FAM240A: variants seen among roughly 807,000 people sequenced by gnomAD.
FAM240A encodes the protein family with sequence similarity 240 member A.
FAM240A carries 8 observed loss-of-function variants against 7.3 expected under a neutral mutation model. The observed-to-expected ratio is 1.09, with a 90% CI of 0.64 to 1.97. FAM240A has a LOEUF of 1.97. Ranked by LOEUF, FAM240A falls within the 30% of genes most tolerant of loss-of-function variation. The pLI, the probability that FAM240A is intolerant of heterozygous loss-of-function variation, is 0.00. For synonymous variants in FAM240A, 32 were observed against 35.9 expected (o/e 0.89, Z 0.38); for missense variants, 90 against 102.2 (o/e 0.88, Z 0.52).
chr3:46,617,446 G>GC, intron 2 of FAM240A, 118 bp downstream of exon 2: 1 of 850,788 alleles, frequency 1.2e-6, no homozygotes, highest in Non-Finnish European at 1.7e-6. Context: ...AGTTCCCTGA[G>GC]CCCCCACGCA....
At chr3:46,614,811 G>A (rs1479783874) in intron 1 of FAM240A, among the ~76,000 whole-genome samples, 1 of 152,160 alleles carries the variant, frequency 6.6e-6, no homozygotes, top group Non-Finnish European at 1.5e-5. Context: ...ATATACCCAA[G>A]AAGCCATACA....
chr3:46,619,590 G>A (rs1029741422), intron 2 of FAM240A, among the ~76,000 whole-genome samples: 5 of 152,196 alleles, frequency 3.3e-5, no homozygotes, highest in African/African-American at 7.2e-5. Context: ...GGATCTGAGC[G>A]TTTCTTTCTG....
chr3:46,625,232 C>T lies in FAM240A; in HGVS notation c.*14C>T. On this transcript the variant is annotated 3_prime_UTR_variant, in exon 3 of 3. Coordinates refer to ENST00000640551, the MANE Select transcript of FAM240A (RefSeq NM_001195442.2). The stretch of plus-strand genomic sequence containing the variant: ...AATGTTGGCTGAGAGCTTCCTGCTT[C>T]ATTGACACAAGAAGATGCAAAACAC... 6.6e-7 allele frequency: 1 copy of T among 1,521,710 alleles called. No individual in the cohort carries two copies. The highest frequency in any genetic ancestry group is 8.8e-7 in the Non-Finnish European group (1 of 1,136,434). The allele number at this position is 1,521,710 out of a possible 1,614,324, so 94.3% of individuals were successfully genotyped here. A position where few individuals can be genotyped will look rare whatever the true frequency, so the allele number is the denominator to read the frequency against.
At chr3:46,621,752 G>A (rs1697696949) in intron 2 of FAM240A, among the ~76,000 whole-genome samples, 2 of 144,786 alleles carry the variant, frequency 1.4e-5, no homozygotes, top group Non-Finnish European at 3.1e-5. Flanking sequence ...ATCCAGCCTG[G>A]GCAACAGAGA....
chr3:46,616,340 AT>A (rs912001567), intron 1 of FAM240A, among the ~76,000 whole-genome samples: 33 of 151,408 alleles, frequency 2.2e-4, no homozygotes, highest in Admixed American at 8.5e-4. Flanking sequence ...TTCAGCTTCT[AT>A]TTTTTTTTAT....
chr3:46,624,631 C>G (rs62248693), intron 2 of FAM240A, among the ~76,000 whole-genome samples: 1 of 152,032 alleles, frequency 6.6e-6, no homozygotes, highest in Admixed American at 6.6e-5. Context: ...ATAACCACAT[C>G]GTTGCTTTTC....
chr3:46,617,274 A>G lies in FAM240A; in HGVS notation c.107A>G (p.Gln36Arg). Reference protein sequence around the residue: ...KHFWEREIGKQTYYRESEERR... With the variant: ...KHFWEREIGKRTYYRESEERR... Reference sequence around the variant, plus strand: ...TTCTGGGAAAGGGAAATTGGCAAACAGACTTACTACCGAGAATCAGAGGAA... The same window carrying G: ...TTCTGGGAAAGGGAAATTGGCAAACGGACTTACTACCGAGAATCAGAGGAA... The change falls in exon 2 of 3, where the codon CAG becomes CGG. Residue 36 changes from glutamine (Q) to arginine (R), a missense_variant. By Grantham distance (43) the Gln-to-Arg change is conservative. Coordinates refer to ENST00000640551, the MANE Select transcript of FAM240A (RefSeq NM_001195442.2). The G allele has an allele frequency of 6.5e-7, 1 of 1,535,746 alleles. No homozygotes were observed. Among genetic ancestry groups the G allele is most frequent in the Non-Finnish European group, 8.7e-7 (1 of 1,146,652 alleles).
intron 2 of FAM240A, among the ~76,000 whole-genome samples, chr3:46,621,657 G>A (rs556256425): frequency 6.6e-4 from 100 of 152,182 alleles, no homozygotes; most frequent in African/African-American, 2.4e-3. Context: ...CTACTGCGGG[G>A]GAAAGGGGGA....
chr3:46,619,517 C>T (rs920220768), intron 2 of FAM240A, among the ~76,000 whole-genome samples: 3 of 152,152 alleles, frequency 2.0e-5, no homozygotes, highest in Admixed American at 1.3e-4. Context: ...TACAAACCTC[C>T]CCCATTTTGG....
At chr3:46,621,787 A>G (rs1182918356) in intron 2 of FAM240A, among the ~76,000 whole-genome samples, 3 of 150,574 alleles carry the variant, frequency 2.0e-5, no homozygotes, top group Non-Finnish European at 1.5e-5. Context: ...AAAAAAAAAA[A>G]CTACATAGTT....
intron 1 of FAM240A, among the ~76,000 whole-genome samples, chr3:46,616,730 T>A (rs77190926): frequency 5.2e-4 from 66 of 127,708 alleles, no homozygotes; most frequent in African/African-American, 1.8e-3. Flanking sequence ...CACACACACA[T>A]AAAACATTTT....
At chr3:46,617,087 C>T in intron 1 of FAM240A, 96 bp from the exon 2 acceptor site, 1 of 817,440 alleles carries the variant, frequency 1.2e-6, no homozygotes, top group Non-Finnish European at 1.9e-6. Flanking sequence ...GTAGGTATCT[C>T]ATTGTGGTTT....
At chr3:46,613,909 A>ATTTG (rs146493522) in intron 1 of FAM240A, among the ~76,000 whole-genome samples, 2,387 of 151,822 alleles carry the variant, frequency 0.016, 16 homozygotes, top group Middle Eastern at 0.054. Flanking sequence ...GGTATTAGAT[A>ATTTG]TTTGTTTGTT....
intron 2 of FAM240A, among the ~76,000 whole-genome samples, chr3:46,621,128 C>T (rs1400129419): frequency 6.6e-6 from 1 of 152,064 alleles, no homozygotes; most frequent in Non-Finnish European, 1.5e-5. Context: ...GTGCAATTTC[C>T]CTTTCCCTTC....
At chr3:46,625,097 C>T (rs751407776) in intron 2 of FAM240A, 31 bp from the exon 3 acceptor site, 1 of 1,463,524 alleles carries the variant, frequency 6.8e-7, no homozygotes, top group South Asian at 1.2e-5. Context: ...GAAATGAATG[C>T]TCCATCTGTG....
intron 2 of FAM240A, among the ~76,000 whole-genome samples, chr3:46,623,927 C>T (rs1017405182): frequency 2.0e-5 from 3 of 152,092 alleles, no homozygotes; most frequent in Non-Finnish European, 4.4e-5. Flanking sequence ...CTCTATTTCT[C>T]TCATCTGTTG....
At chr3:46,617,921 G>T (rs143656802) in intron 2 of FAM240A, among the ~76,000 whole-genome samples, 1 of 152,196 alleles carries the variant, frequency 6.6e-6, no homozygotes, top group Non-Finnish European at 1.5e-5. Flanking sequence ...ACTCCCGTGG[G>T]CAAACGAGGG....
Position 46,617,286 on chromosome 3 carries a change from G to A in FAM240A, c.119G>A (p.Arg40Gln), listed in dbSNP as rs1023588633. ...EREIGKQTYY[R>Q]ESEERRLGRS... is the part of the protein sequence containing the mutation. ...GAAATTGGCAAACAGACTTACTACC[G>A]AGAATCAGAGGAACGTCGTCTGGGA... Residue 40 changes from arginine to glutamine, a missense_variant, in exon 2 of 3, where the codon CGA (arginine) becomes CAA (glutamine). Transcript: ENST00000640551. 41 of 1,534,462 alleles carry A rather than the reference G, an allele frequency of 2.7e-5. No homozygotes were observed. Among genetic ancestry groups the A allele is most frequent in the Non-Finnish European group, 3.4e-5 (39 of 1,146,088 alleles).
chr3:46,614,461 C>G (rs1364197183), intron 1 of FAM240A, among the ~76,000 whole-genome samples: 1 of 152,184 alleles, frequency 6.6e-6, no homozygotes, highest in Admixed American at 6.5e-5. Context: ...CAGCATTTTC[C>G]AGCAAAACAT....
Sources: allele counts gnomAD v4.1 joint callset (sites outside exome capture counted in the v4.1 genomes callset), GRCh38; gene constraint gnomAD v4.1.1; transcripts MANE v1.5; gene names NCBI Gene and HGNC (gene_info 2026-07-23, HGNC 2026-07-21).